The following BICC1 variants were observed in gnomAD, a reference collection of about 807,000 sequenced individuals.
BICC1 encodes protein bicaudal C homolog 1.
Under a neutral mutation model 111.0 loss-of-function variants are expected in BICC1, and 43 were observed. The observed-to-expected ratio is 0.39, with a 90% CI of 0.30 to 0.50. The LOEUF (loss-of-function observed/expected upper bound fraction) is 0.50. BICC1 is among the 20% of genes least tolerant of loss of function. The probability of loss-of-function intolerance (pLI) is 0.88; values close to 1 mark genes in which losing one functional copy is unlikely to be tolerated. For missense variants in BICC1, 1,091 were observed against 1,203.2 expected (o/e 0.91, Z 1.38); for synonymous variants, 467 against 434.4 (o/e 1.07, Z -0.93).
At chr10:58,530,990 G>C (rs1842668130) in intron 1 of BICC1, among the ~76,000 whole-genome samples, 1 of 151,806 alleles carries the variant, frequency 6.6e-6, no homozygotes, top group Admixed American at 6.6e-5. Context: ...CCATGGTTTT[G>C]AAACAGGTAA....
At chr10:58,657,130 A>G (rs1257366777) in intron 2 of BICC1, among the ~76,000 whole-genome samples, 1 of 152,074 alleles carries the variant, frequency 6.6e-6, no homozygotes, top group Non-Finnish European at 1.5e-5. Flanking sequence ...ATCTACCTGA[A>G]TGCTCTCCTA....
At chr10:58,639,375 C>A (rs964109001) in intron 2 of BICC1, among the ~76,000 whole-genome samples, 1 of 149,702 alleles carries the variant, frequency 6.7e-6, no homozygotes, top group Non-Finnish European at 1.5e-5. Flanking sequence ...AGAAGATCAT[C>A]AGTGGTGAGT....
At chr10:58,652,227 A>G (rs1189787839) in intron 2 of BICC1, among the ~76,000 whole-genome samples, 1 of 152,142 alleles carries the variant, frequency 6.6e-6, no homozygotes, top group Admixed American at 6.6e-5. Context: ...TATTTTTCAA[A>G]TGCAGCTGAA....
chr10:58,823,132 A>G (rs987025857), intron 20 of BICC1: 17 of 548,484 alleles, frequency 3.1e-5, no homozygotes, highest in Non-Finnish European at 3.9e-5. Flanking sequence ...GGTCAAATGT[A>G]CAGGGACTCA....
chr10:58,768,626 T>C (rs748543224), intron 3 of BICC1, among the ~76,000 whole-genome samples: 28 of 152,162 alleles, frequency 1.8e-4, no homozygotes, highest in Non-Finnish European at 3.2e-4. Context: ...GACAAAAGTA[T>C]TAAAAATAAC....
chr10:58,810,434 C>G (rs2132923759), intron 17 of BICC1, among the ~76,000 whole-genome samples: 1 of 152,130 alleles, frequency 6.6e-6, no homozygotes, highest in East Asian at 1.9e-4. Context: ...TCTTTAAGTG[C>G]TACTAATGGA....
intron 3 of BICC1, among the ~76,000 whole-genome samples, chr10:58,763,365 C>G (rs567827307): frequency 2.0e-5 from 3 of 152,220 alleles, no homozygotes; most frequent in Admixed American, 2.0e-4. Context: ...AGAGTATAGC[C>G]ATAGCCCTGA....
At chr10:58,823,811 C>A (rs920415352) in intron 20 of BICC1, 3 of 985,154 alleles carry the variant, frequency 3.0e-6, no homozygotes, top group Non-Finnish European at 3.6e-6. Context: ...TAAGGGGATT[C>A]ATTTATTCTT....
In BICC1 at chr10:58,512,981, G is replaced by GGGGCTCGGATGCGCC. The variant is rs921208130; in HGVS notation, c.-160_-159insCTCGGATGCGCCGGG. ...GCGGCGCCCGGGGCTGGGATGCGCC[G>GGGGCTCGGATGCGCC]GGGGCTCAGTGGCGGCGGCGGCGTT... On this transcript the variant is annotated 5_prime_UTR_variant, in exon 1 of 21. The change creates a new upstream start codon in the 5' untranslated region. Coordinates refer to ENST00000373886, the MANE Select transcript of BICC1 (RefSeq NM_001080512.3). Among the ~76,000 whole-genome samples, 1 of 145,718 alleles carries GGGGCTCGGATGCGCC rather than the reference G, an allele frequency of 6.9e-6. No individual in the cohort carries two copies. The highest frequency in any genetic ancestry group is 2.6e-5 in the African/African-American group (1 of 38,852).
intron 3 of BICC1, among the ~76,000 whole-genome samples, chr10:58,774,095 G>C (rs908829994): frequency 6.6e-6 from 1 of 152,154 alleles, no homozygotes; most frequent in African/African-American, 2.4e-5. Context: ...TTTGCCCTCT[G>C]TTCCAACCTT....
intron 3 of BICC1, among the ~76,000 whole-genome samples, chr10:58,768,505 A>G (rs1028478281): frequency 2.0e-5 from 3 of 152,204 alleles, no homozygotes; most frequent in African/African-American, 7.2e-5. Context: ...TAGCATGAAA[A>G]TATAGTATTT....
chr10:58,631,106 A>G (rs1837780212), intron 2 of BICC1, among the ~76,000 whole-genome samples: 1 of 152,216 alleles, frequency 6.6e-6, no homozygotes, highest in Non-Finnish European at 1.5e-5. Flanking sequence ...TTTATCCTGC[A>G]TATCAGAATT....
chr10:58,751,729 C>T (rs1417407917), intron 3 of BICC1, among the ~76,000 whole-genome samples: 1 of 152,010 alleles, frequency 6.6e-6, no homozygotes, highest in Non-Finnish European at 1.5e-5. Context: ...CTTTATTGAA[C>T]CATTAAAAAC....
chr10:58,639,421 G>C (rs184176893), intron 2 of BICC1, among the ~76,000 whole-genome samples: 2 of 136,858 alleles, frequency 1.5e-5, no homozygotes, highest in Admixed American at 1.6e-4. Context: ...TTTTGAGACA[G>C]AGTCTCACAC....
At position 58,713,856 on chromosome 10, in the gene BICC1, C is replaced by G. The variant is rs920653158; in HGVS notation, c.307+11713C>G. ...TTATTATTCTTGTTCTTCATGGTAT[C>G]TTTCTTTCCTTTTCTCCTTTTTTGA... is the stretch of plus-strand genomic sequence containing the variant. On this transcript the variant is annotated intron_variant, in intron 3 of 20. Coordinates refer to ENST00000373886, the MANE Select transcript of BICC1 (RefSeq NM_001080512.3). Among the ~76,000 whole-genome samples the G allele has an allele frequency of 3.3e-5, 5 of 152,288 alleles. No individual in the cohort carries two copies. In the East Asian group the frequency reaches 9.6e-4, roughly 29 times the overall value.
intron 3 of BICC1, among the ~76,000 whole-genome samples, chr10:58,758,185 A>G (rs1187985145): frequency 6.6e-6 from 1 of 152,206 alleles, no homozygotes; most frequent in Non-Finnish European, 1.5e-5. Context: ...AATATGTTGT[A>G]TATTTCACAT....
At chr10:58,635,605 C>G (rs921626357) in intron 2 of BICC1, among the ~76,000 whole-genome samples, 4 of 152,288 alleles carry the variant, frequency 2.6e-5, no homozygotes, top group African/African-American at 9.6e-5. Context: ...TATCCATGCT[C>G]AGAATTTCTC....
intron 3 of BICC1, among the ~76,000 whole-genome samples, chr10:58,762,227 A>C (rs1259077219): frequency 6.6e-6 from 1 of 152,148 alleles, no homozygotes; most frequent in Admixed American, 6.5e-5. Context: ...GAGAATGTAC[A>C]AACAGAAAAT....
chr10:58,513,452 G>T (rs1025276939), intron 1 of BICC1, 119 bp downstream of exon 1: 14 of 998,798 alleles, frequency 1.4e-5, no homozygotes, highest in Non-Finnish European at 1.8e-5. Flanking sequence ...TTAGCTCCAG[G>T]CCCGCTCCCC....
Sources: gnomAD v4.1 joint callset for allele counts (sites outside exome capture counted in the v4.1 genomes callset) on GRCh38, gnomAD v4.1.1 for gene constraint, MANE v1.5 for transcripts, NCBI Gene and HGNC (gene_info 2026-07-23, HGNC 2026-07-21) for gene names.